The following DLG2 variants were observed in gnomAD, a reference collection of about 807,000 sequenced individuals.
The protein encoded by DLG2 is disks large homolog 2.
A neutral mutation model predicts 132.5 loss-of-function variants in DLG2; 45 were observed. The ratio of observed to expected loss-of-function variants is 0.34; its 90% CI spans 0.27 to 0.44. The LOEUF (loss-of-function observed/expected upper bound fraction) is 0.44, where lower values mean the gene tolerates loss of function less well. Among genes scored for constraint, DLG2 ranks in the 20% least tolerant of loss-of-function variants. The pLI, the probability that DLG2 is intolerant of heterozygous loss-of-function variation, is 1.00. For missense variants in DLG2, 1,045 were observed against 1,196.9 expected, an observed-to-expected ratio of 0.87 and a Z score of 1.87; for synonymous variants, 424 against 419.6, an observed-to-expected ratio of 1.01 and a Z score of -0.13.
intron 19 of DLG2, among the ~76,000 whole-genome samples, chr11:83,624,585 C>G (rs1047218487): frequency 2.0e-5 from 3 of 152,168 alleles, no homozygotes; most frequent in Non-Finnish European, 4.4e-5. Context: ...GCTCTAAGTA[C>G]TTGAAGCAAT....
At chr11:85,196,567 G>C (rs2081084819) in intron 4 of DLG2, among the ~76,000 whole-genome samples, 1 of 152,172 alleles carries the variant, frequency 6.6e-6, no homozygotes. Flanking sequence ...AAAGTGGGAA[G>C]TTTAAAATTA....
At chr11:85,505,676 T>C (rs2093913983) in intron 3 of DLG2, among the ~76,000 whole-genome samples, 1 of 152,214 alleles carries the variant, frequency 6.6e-6, no homozygotes, top group African/African-American at 2.4e-5. Context: ...TGGTCTAAAA[T>C]TATCTTTTTT....
intron 9 of DLG2, among the ~76,000 whole-genome samples, chr11:84,138,345 T>C (rs370264206): frequency 1.3e-5 from 2 of 152,218 alleles, no homozygotes; most frequent in African/African-American, 4.8e-5. Context: ...GCATAGGTTG[T>C]CCAGGCAGAG....
intron 6 of DLG2, chr11:85,020,749 T>G: frequency 1.5e-6 from 1 of 660,896 alleles, no homozygotes; most frequent in South Asian, 1.4e-5. Flanking sequence ...GATAATGGGA[T>G]AAGATTTCTA....
chr11:83,656,310 T>C (rs1475966236), intron 18 of DLG2, among the ~76,000 whole-genome samples: 1 of 152,242 alleles, frequency 6.6e-6, no homozygotes, highest in Non-Finnish European at 1.5e-5. Flanking sequence ...GTTGAATCCC[T>C]GCAGGCAACA....
intron 6 of DLG2, among the ~76,000 whole-genome samples, chr11:84,700,550 A>G (rs79211302): frequency 0.024 from 3,609 of 151,774 alleles, 147 homozygotes; most frequent in African/African-American, 0.082. Flanking sequence ...CAAACATAAC[A>G]TCAAGAATGG....
chr11:85,564,187 T>C (rs910656948), intron 3 of DLG2, among the ~76,000 whole-genome samples: 4 of 152,092 alleles, frequency 2.6e-5, no homozygotes, highest in African/African-American at 9.6e-5. Context: ...ACATCACAAA[T>C]ATTTCCTCTC....
chr11:85,454,065 C>T (rs1260290800), intron 3 of DLG2, among the ~76,000 whole-genome samples: 1 of 151,592 alleles, frequency 6.6e-6, no homozygotes, highest in Non-Finnish European at 1.5e-5. Context: ...GTCTCTAGCT[C>T]CAACCATGTT....
intron 3 of DLG2, among the ~76,000 whole-genome samples, chr11:85,323,094 T>C (rs1395687573): frequency 1.3e-5 from 2 of 152,246 alleles, no homozygotes; most frequent in African/African-American, 2.4e-5. Flanking sequence ...CTAACTCACC[T>C]GTCACTTTTT....
chr11:84,037,806 A>G (rs1593676826), intron 11 of DLG2, among the ~76,000 whole-genome samples: 1 of 152,082 alleles, frequency 6.6e-6, no homozygotes, highest in Non-Finnish European at 1.5e-5. Context: ...TTTCAGTTTC[A>G]TACATGTTGA....
At chr11:84,030,094 C>T (rs184016090) in intron 11 of DLG2, among the ~76,000 whole-genome samples, 2 of 152,132 alleles carry the variant, frequency 1.3e-5, no homozygotes, top group African/African-American at 2.4e-5. Flanking sequence ...CCGTCTCCCC[C>T]AAATAAATGA....
At chr11:84,027,347 A>C (rs2154084472) in intron 11 of DLG2, among the ~76,000 whole-genome samples, 1 of 152,264 alleles carries the variant, frequency 6.6e-6, no homozygotes, top group East Asian at 1.9e-4. Flanking sequence ...CTGCTTACTT[A>C]GGACATGTAT....
At chr11:84,532,559 G>T (rs1591709927) in intron 7 of DLG2, among the ~76,000 whole-genome samples, 1 of 152,046 alleles carries the variant, frequency 6.6e-6, no homozygotes, top group Middle Eastern at 3.2e-3. Context: ...GCAGTGGCGT[G>T]ATCATGGCTT....
intron 3 of DLG2, among the ~76,000 whole-genome samples, chr11:85,450,568 G>C (rs1312890400): frequency 6.6e-6 from 1 of 151,780 alleles, no homozygotes. Context: ...AAATATTGTT[G>C]CTACTCCATC....
intron 11 of DLG2, among the ~76,000 whole-genome samples, chr11:84,007,249 A>G (rs958068424): frequency 6.6e-6 from 1 of 151,704 alleles, no homozygotes; most frequent in African/African-American, 2.4e-5. Context: ...TAACTAAACA[A>G]TATTTCCAGT....
intron 3 of DLG2, among the ~76,000 whole-genome samples, chr11:85,301,219 A>G (rs1288838377): frequency 6.6e-6 from 1 of 152,114 alleles, no homozygotes; most frequent in Non-Finnish European, 1.5e-5. Flanking sequence ...ACAAAACGAA[A>G]AAAACAACTC....
intron 6 of DLG2, among the ~76,000 whole-genome samples, chr11:84,724,193 C>T (rs1482538599): frequency 6.6e-6 from 1 of 152,022 alleles, no homozygotes; most frequent in African/African-American, 2.4e-5. Context: ...CTTCAGTTTC[C>T]TTTTTTATTA....
intron 7 of DLG2, among the ~76,000 whole-genome samples, chr11:84,498,511 A>G (rs1156491019): frequency 6.6e-6 from 1 of 152,202 alleles, no homozygotes; most frequent in East Asian, 1.9e-4. Context: ...AGATACAAAT[A>G]TCATCAATTA....
chr11:85,607,362 C>A (rs2080643743), intron 2 of DLG2, among the ~76,000 whole-genome samples: 1 of 152,200 alleles, frequency 6.6e-6, no homozygotes. Context: ...AGTCATTCAA[C>A]TCCAGGGTCC....
Sources: gnomAD v4.1 joint callset for allele counts (sites outside exome capture counted in the v4.1 genomes callset) on GRCh38, gnomAD v4.1.1 for gene constraint, MANE v1.5 for transcripts, NCBI Gene and HGNC (gene_info 2026-07-23, HGNC 2026-07-21) for gene names.